The following CCDC180 variants were observed in gnomAD, a reference collection of about 807,000 sequenced individuals.
CCDC180 encodes coiled-coil domain-containing protein 180.
CCDC180 carries 154 observed loss-of-function variants against 209.2 expected under a neutral mutation model. The ratio of observed to expected loss-of-function variants is 0.74; its 90% confidence interval spans 0.65 to 0.84. The LOEUF is 0.84. Ranked by LOEUF, CCDC180 falls within the 40% of genes least tolerant of loss-of-function variation. The pLI is 0.00. For synonymous variants in CCDC180, 778 were observed against 749.1 expected, an observed-to-expected ratio of 1.04 and a Z score of -0.63; for missense variants, 1,874 against 1,997.3, an observed-to-expected ratio of 0.94 and a Z score of 1.18.
chr9:97,332,386 G>C lies in CCDC180; in HGVS notation c.2274+1619G>C, dbSNP rs192963389. On this transcript the variant is annotated intron_variant, in intron 18 of 36. Transcript: ENST00000529487. ...TTTATTGCATATAAATTTTAAAATAGTTTTTCTGATTCTGTGAAGAATGTC... is the reference window on the plus strand; with the variant it reads ...TTTATTGCATATAAATTTTAAAATACTTTTTCTGATTCTGTGAAGAATGTC... Among the ~76,000 whole-genome samples the C allele has an allele frequency of 9.4e-4, 143 of 152,232 alleles. 1 individual carries two copies. The highest frequency in any genetic ancestry group is 3.4e-3 in the Middle Eastern group (1 of 294).
In CCDC180 at chr9:97,377,722, G is replaced by C. The variant is rs1048642084; in HGVS notation, c.*828G>C. The C allele has an allele frequency of 1.3e-5, 2 of 152,186 alleles. No homozygotes were observed. Among genetic ancestry groups the C allele is most frequent in the African/African-American group, 2.4e-5 (1 of 41,414 alleles). The allele number at this position is 152,186 out of a possible 1,614,324, so 9.4% of individuals were successfully genotyped here. On this transcript the variant is annotated 3_prime_UTR_variant, in exon 37 of 37. Transcript: ENST00000529487. ...GCTTGGTTAGCTTGGTGGCCTTTGT[G>C]CACTGAAGCCAGGAGAGTGAGGAGT...
chr9:97,368,740 A>G (rs146690926), intron 31 of CCDC180, among the ~76,000 whole-genome samples: 153 of 152,332 alleles, frequency 1.0e-3, no homozygotes, highest in Non-Finnish European at 1.5e-3. Context: ...CTTGTTGGAC[A>G]TATAACAAAT....
At chr9:97,314,320 C>T in intron 5 of CCDC180, 73 bp from the exon 6 acceptor site, 1 of 1,572,252 alleles carries the variant, frequency 6.4e-7, no homozygotes, top group Admixed American at 1.7e-5. Flanking sequence ...TGGCACTTCC[C>T]CCATGACAGG....
At chr9:97,360,570 A>G (rs142291504) in intron 26 of CCDC180, among the ~76,000 whole-genome samples, 1 of 152,020 alleles carries the variant, frequency 6.6e-6, no homozygotes, top group African/African-American at 2.4e-5. Context: ...TGGTCAGACC[A>G]TGTCACTTCC....
chr9:97,325,007 C>G lies in CCDC180; in HGVS notation c.1372-12C>G. ...AGCCCTTAAGTCCCTTCTCTGGGCTCTGCCACTGCAGAAATCCTTCGAGAC... is the reference window on the plus strand; with the variant it reads ...AGCCCTTAAGTCCCTTCTCTGGGCTGTGCCACTGCAGAAATCCTTCGAGAC... On this transcript the variant is annotated splice_polypyrimidine_tract_variant and intron_variant, in intron 13 of 36. Coordinates refer to ENST00000529487, the MANE Select transcript of CCDC180 (RefSeq NM_020893.6). 1.2e-6 allele frequency: 2 copies of G among 1,611,576 alleles called. No homozygotes were observed. The highest frequency in any genetic ancestry group is 1.7e-6 in the Non-Finnish European group (2 of 1,178,776).
chr9:97,362,830 A>G (rs533478722), intron 28 of CCDC180, among the ~76,000 whole-genome samples: 1 of 152,368 alleles, frequency 6.6e-6, no homozygotes, highest in Non-Finnish European at 1.5e-5. Flanking sequence ...CCCATGGCTG[A>G]GTAGACTCAC....
In CCDC180 at chr9:97,361,660, G is replaced by A. The variant is rs182690213; in HGVS notation, c.3484-66G>A. ...GCAGGGTGGGAGGGAACATGAATTC[G>A]GCCTGCTGCCTCGCTGGCACCTGGG... On this transcript the variant is annotated intron_variant, in intron 26 of 36. Transcript: ENST00000529487. 1.1e-5 allele frequency: 17 copies of A among 1,540,570 alleles called. No individual in the cohort carries two copies. In the Admixed American group the frequency reaches 1.4e-4, roughly 13 times the overall value.
chr9:97,376,895 C>T lies in CCDC180; in HGVS notation c.*1C>T, dbSNP rs1470666758. ...CACTATCCAAGGCCTGTATGTGTGA[C>T]CCTCCGCCCCACCATGAATAAACAC... On this transcript the variant is annotated 3_prime_UTR_variant, in exon 37 of 37. Transcript: ENST00000529487. 2.5e-6 allele frequency: 4 copies of T among 1,610,058 alleles called. No individual in the cohort carries two copies. Among genetic ancestry groups the T allele is most frequent in the African/African-American group, 1.3e-5 (1 of 74,776 alleles).
intron 20 of CCDC180, among the ~76,000 whole-genome samples, chr9:97,348,364 T>C (rs966395846): frequency 6.6e-6 from 1 of 152,032 alleles, no homozygotes; most frequent in Admixed American, 6.6e-5. Context: ...ATCTGGAAAA[T>C]GTGTGTGCTA....
At chr9:97,328,288 A>G in intron 16 of CCDC180, 142 bp downstream of exon 16, 3 of 949,430 alleles carry the variant, frequency 3.2e-6, no homozygotes, top group Non-Finnish European at 4.6e-6. Flanking sequence ...AGAAGCTGAA[A>G]GTGTCTCTAA....
intron 34 of CCDC180, chr9:97,374,288 G>A (rs3747493): frequency 0.49 from 222,995 of 456,926 alleles, 56,258 homozygotes; most frequent in Admixed American, 0.62. Context: ...CAGAGCATCA[G>A]GCTTGGGTTT....
chr9:97,317,250 C>T (rs1833208086), intron 9 of CCDC180, 22 bp downstream of exon 9: 1 of 1,520,504 alleles, frequency 6.6e-7, no homozygotes, highest in Non-Finnish European at 8.9e-7. Flanking sequence ...CCACACAGCT[C>T]CTTCTCCAGC....
chr9:97,336,035 T>C lies in CCDC180; in HGVS notation c.2274+5268T>C, dbSNP rs140790837. 5.2e-4 allele frequency among the ~76,000 whole-genome samples: 79 copies of C among 152,298 alleles called. 2 individuals carry two copies. Among genetic ancestry groups the C allele is most frequent in the African/African-American group, 1.8e-3 (74 of 41,528 alleles). On this transcript the variant is annotated intron_variant, in intron 18 of 36. Coordinates refer to ENST00000529487, the MANE Select transcript of CCDC180 (RefSeq NM_020893.6). The stretch of plus-strand genomic sequence containing the variant: ...CTTTTTAATGGGGTTGTTTGATTTT[T>C]TCTTGTAAATTTGTTTAAGTTATTT...
chr9:97,360,765 G>A (rs181887788), intron 26 of CCDC180, among the ~76,000 whole-genome samples: 2 of 152,196 alleles, frequency 1.3e-5, no homozygotes, highest in Admixed American at 1.3e-4. Flanking sequence ...CACACGATGG[G>A]GTCTCCATTT....
At chr9:97,310,417 G>T (rs974577891) in intron 3 of CCDC180, among the ~76,000 whole-genome samples, 2 of 23,620 alleles carry the variant, frequency 8.5e-5, no homozygotes, top group Non-Finnish European at 1.4e-4. Context: ...GAGAGCAGGC[G>T]GGGGTCAGGC....
intron 23 of CCDC180, 30 bp from the exon 24 acceptor site, chr9:97,354,862 C>G: frequency 6.3e-7 from 1 of 1,578,096 alleles, no homozygotes; most frequent in African/African-American, 1.3e-5. Flanking sequence ...AATTAAGCCC[C>G]TGTCCTTTAC....
intron 18 of CCDC180, among the ~76,000 whole-genome samples, chr9:97,339,023 C>G (rs1825994963): frequency 6.6e-6 from 1 of 152,112 alleles, no homozygotes; most frequent in Non-Finnish European, 1.5e-5. Context: ...AAGTCTTCCT[C>G]CATCCCTTTA....
At chr9:97,371,386 G>T in intron 33 of CCDC180, 2 of 401,540 alleles carry the variant, frequency 5.0e-6, no homozygotes, top group South Asian at 9.6e-5. Flanking sequence ...GTGTCCCTTG[G>T]CCGTTTCTGA....
At chr9:97,323,649 A>G (rs999191717) in intron 12 of CCDC180, 132 bp from the exon 13 acceptor site, 14 of 1,113,152 alleles carry the variant, frequency 1.3e-5, no homozygotes, top group African/African-American at 9.5e-5. Context: ...GGGGAACAGA[A>G]TTCATGGGGT....
Sources: gnomAD v4.1 joint callset for allele counts (sites outside exome capture counted in the v4.1 genomes callset) on GRCh38, gnomAD v4.1.1 for gene constraint, MANE v1.5 for transcripts, NCBI Gene and HGNC (gene_info 2026-07-23, HGNC 2026-07-21) for gene names.